SH3RF2: variants seen among roughly 807,000 people sequenced by gnomAD.
SH3RF2 encodes E3 ubiquitin-protein ligase SH3RF2.
SH3RF2 carries 43 observed loss-of-function variants against 59.0 expected under a neutral mutation model. The observed-to-expected ratio is 0.73, with a 90% CI of 0.57 to 0.94. The LOEUF (loss-of-function observed/expected upper bound fraction) is 0.94. Ranked by LOEUF, SH3RF2 falls within the 40% of genes least tolerant of loss-of-function variation. SH3RF2 has a pLI of 0.00. For synonymous variants in SH3RF2, 391 were observed against 391.5 expected (o/e 1.00, Z 0.01); for missense variants, 930 against 940.1 (o/e 0.99, Z 0.14).
intron 2 of SH3RF2, chr5:145,997,657 G>T (rs1225316665): frequency 2.5e-6 from 4 of 1,569,368 alleles, no homozygotes; most frequent in Non-Finnish European, 3.5e-6. Flanking sequence ...GCAACTGTTT[G>T]CTACCCAGTT....
chr5:146,041,462 G>C (rs1762123963), intron 5 of SH3RF2, among the ~76,000 whole-genome samples: 1 of 152,214 alleles, frequency 6.6e-6, no homozygotes, highest in Non-Finnish European at 1.5e-5. Flanking sequence ...CCAGTGCCTA[G>C]CACGGTGCCT....
At chr5:145,989,957 G>A (rs1264395976) in intron 2 of SH3RF2, among the ~76,000 whole-genome samples, 1 of 152,140 alleles carries the variant, frequency 6.6e-6, no homozygotes, top group Non-Finnish European at 1.5e-5. Flanking sequence ...TCTGAATTTT[G>A]CTATTTGGAT....
chr5:146,027,804 T>C (rs1333065996), intron 5 of SH3RF2, among the ~76,000 whole-genome samples: 1 of 152,160 alleles, frequency 6.6e-6, no homozygotes, highest in East Asian at 1.9e-4. Flanking sequence ...CAGTTGCCTT[T>C]CTACTGAGGT....
chr5:145,961,457 A>T (rs1758628724), intron 2 of SH3RF2, among the ~76,000 whole-genome samples: 1 of 152,210 alleles, frequency 6.6e-6, no homozygotes, highest in East Asian at 1.9e-4. Flanking sequence ...ACTAACACTC[A>T]TAGGATTCTT....
chr5:145,964,290 TCC>T (rs1349856599), intron 2 of SH3RF2, among the ~76,000 whole-genome samples: 5 of 138,424 alleles, frequency 3.6e-5, no homozygotes, highest in African/African-American at 1.4e-4. Flanking sequence ...CTTCCTTCCT[TCC>T]TTCCTTCCTT....
chr5:146,011,680 T>C (rs890425260), intron 4 of SH3RF2, among the ~76,000 whole-genome samples: 3 of 152,174 alleles, frequency 2.0e-5, no homozygotes, highest in Admixed American at 1.3e-4. Flanking sequence ...GGCTCTCTGT[T>C]TGTCTGTTAT....
chr5:146,030,527 G>A (rs185531553), intron 5 of SH3RF2, among the ~76,000 whole-genome samples: 1 of 152,236 alleles, frequency 6.6e-6, no homozygotes, highest in African/African-American at 2.4e-5. Context: ...CGCTTGCTGG[G>A]CCCTCATCTG....
downstream of SH3RF2, among the ~76,000 whole-genome samples, chr5:146,064,994 C>T (rs188958209): frequency 1.9e-4 from 29 of 152,236 alleles, no homozygotes; most frequent in Middle Eastern, 3.4e-3. Flanking sequence ...CTCACACACT[C>T]GGCAAACAGA....
At chr5:145,955,426 T>C (rs929266721) in intron 2 of SH3RF2, among the ~76,000 whole-genome samples, 1 of 152,058 alleles carries the variant, frequency 6.6e-6, no homozygotes, top group Non-Finnish European at 1.5e-5. Flanking sequence ...AAGAGGGGGA[T>C]AAGGATTGAA....
intron 7 of SH3RF2, among the ~76,000 whole-genome samples, chr5:146,054,516 C>T (rs1158915540): frequency 6.6e-6 from 1 of 152,178 alleles, no homozygotes; most frequent in Admixed American, 6.5e-5. Context: ...CTTCCCACTG[C>T]CCAGGCCTTG....
At chr5:146,058,454 T>C (rs1481200988) in intron 8 of SH3RF2, among the ~76,000 whole-genome samples, 1 of 151,940 alleles carries the variant, frequency 6.6e-6, no homozygotes, top group Non-Finnish European at 1.5e-5. Flanking sequence ...CTTGTGTAGA[T>C]GGTGACTGTC....
intron 2 of SH3RF2, among the ~76,000 whole-genome samples, chr5:145,967,908 C>G (rs1271849957): frequency 1.3e-5 from 2 of 152,200 alleles, no homozygotes; most frequent in Admixed American, 6.5e-5. Flanking sequence ...GATCCACCCA[C>G]CTTGGCCTCC....
At chr5:145,959,311 T>C (rs940515185) in intron 2 of SH3RF2, among the ~76,000 whole-genome samples, 1 of 152,194 alleles carries the variant, frequency 6.6e-6, no homozygotes, top group African/African-American at 2.4e-5. Context: ...TCCTGATATG[T>C]AATATTAATT....
chr5:146,007,192 G>A (rs573909270), intron 4 of SH3RF2, among the ~76,000 whole-genome samples: 3 of 152,326 alleles, frequency 2.0e-5, no homozygotes, highest in African/African-American at 7.2e-5. Flanking sequence ...CTTAAAGACT[G>A]CCCTGGCTGC....
downstream of SH3RF2, among the ~76,000 whole-genome samples, chr5:146,067,596 T>A (rs1461033157): frequency 6.6e-6 from 1 of 152,208 alleles, no homozygotes; most frequent in Non-Finnish European, 1.5e-5. Flanking sequence ...TTTTTAACAA[T>A]ATCCCCAAGT....
Position 146,004,048 on chromosome 5 carries a change from T to C in SH3RF2, c.649-10T>C. On this transcript the variant is annotated splice_polypyrimidine_tract_variant and intron_variant, in intron 3 of 9. Transcript: ENST00000359120. ...AGAGTAAATGCTGACCATGAGACTT[T>C]CTCTTTCAGGACGATATCATCACTG... 1 of 1,610,096 alleles carries C rather than the reference T, an allele frequency of 6.2e-7. No individual in the cohort carries two copies. Among genetic ancestry groups the C allele is most frequent in the Non-Finnish European group, 8.5e-7 (1 of 1,177,216 alleles).
At chr5:146,068,535 G>C (rs1763157981) in intron 9 of SH3RF2, among the ~76,000 whole-genome samples, 1 of 152,220 alleles carries the variant, frequency 6.6e-6, no homozygotes, top group Non-Finnish European at 1.5e-5. Context: ...CAGTCACTTA[G>C]GGAATGTGTT....
chr5:146,041,605 C>G (rs1362904944), intron 5 of SH3RF2, among the ~76,000 whole-genome samples: 1 of 152,122 alleles, frequency 6.6e-6, no homozygotes, highest in African/African-American at 2.4e-5. Flanking sequence ...GTGGTGGGTA[C>G]AGAAACTACC....
At chr5:146,049,045 C>T (rs1762400155) in intron 6 of SH3RF2, 30 bp from the exon 7 acceptor site, 2 of 1,613,418 alleles carry the variant, frequency 1.2e-6, no homozygotes, top group Non-Finnish European at 8.5e-7. Context: ...GTCTTCCTTC[C>T]TCCCTCACCA....
Sources: allele counts gnomAD v4.1 joint callset (sites outside exome capture counted in the v4.1 genomes callset), GRCh38; gene constraint gnomAD v4.1.1; transcripts MANE v1.5; gene names NCBI Gene and HGNC (gene_info 2026-07-23, HGNC 2026-07-21).